Variants in LIN9 observed in about 807,000 individuals in gnomAD.
LIN9 encodes lin-9 DREAM MuvB core complex component.
In LIN9, 18 loss-of-function variants were observed where a neutral mutation model predicts 78.0. That is an observed-to-expected ratio of 0.23 (90% CI 0.16 to 0.34). The LOEUF (loss-of-function observed/expected upper bound fraction) is 0.34, where lower values mean the gene tolerates loss of function less well. LIN9 is among the 10% of genes least tolerant of loss of function. The pLI is 1.00. For missense variants in LIN9, 451 were observed against 644.1 expected, an observed-to-expected ratio of 0.70 and a Z score of 3.25; for synonymous variants, 192 against 215.2, an observed-to-expected ratio of 0.89 and a Z score of 0.94.
chr1:226,294,276 C>G (rs1661981773), intron 4 of LIN9, among the ~76,000 whole-genome samples: 1 of 66,730 alleles, frequency 1.5e-5, no homozygotes, highest in African/African-American at 6.3e-5. Flanking sequence ...CCAATGCAGT[C>G]CAAAAAAAAA....
chr1:226,238,230 A>G (rs1429339289), intron 12 of LIN9, among the ~76,000 whole-genome samples: 2 of 152,248 alleles, frequency 1.3e-5, no homozygotes, highest in Non-Finnish European at 2.9e-5. Context: ...AGAAGGCAAC[A>G]AAATTGTATG....
At chr1:226,303,818 G>A (rs900028352) in intron 1 of LIN9, among the ~76,000 whole-genome samples, 6 of 152,190 alleles carry the variant, frequency 3.9e-5, no homozygotes, top group African/African-American at 1.4e-4. Flanking sequence ...TGTTGGCCAG[G>A]CTGGTCTCGA....
intron 11 of LIN9, among the ~76,000 whole-genome samples, chr1:226,248,164 T>C (rs1319007635): frequency 1.3e-5 from 2 of 152,242 alleles, no homozygotes. Flanking sequence ...CTTCTTTCTC[T>C]CCATTTAACT....
chr1:226,289,537 A>AT (rs1293321043), intron 4 of LIN9, among the ~76,000 whole-genome samples: 1 of 151,758 alleles, frequency 6.6e-6, no homozygotes. Flanking sequence ...TAATTCATGC[A>AT]TTTTTTGTGG....
chr1:226,275,691 C>CAAAAAAAAAAAAAAAAA (rs1315376373), intron 7 of LIN9, among the ~76,000 whole-genome samples: 13 of 43,398 alleles, frequency 3.0e-4, no homozygotes, highest in Non-Finnish European at 4.7e-4. Flanking sequence ...GACTCCGTCT[C>CAAAAAAAAAAAAAAAAA]AGAAAAAAAA....
At chr1:226,252,753 G>C (rs1658918959) in intron 10 of LIN9, among the ~76,000 whole-genome samples, 1 of 152,028 alleles carries the variant, frequency 6.6e-6, no homozygotes, top group South Asian at 2.1e-4. Context: ...GATCACCTGA[G>C]GTCAGGAGTT....
intron 11 of LIN9, among the ~76,000 whole-genome samples, chr1:226,239,770 T>C (rs1657983436): frequency 6.6e-6 from 1 of 152,250 alleles, no homozygotes; most frequent in Non-Finnish European, 1.5e-5. Context: ...ATTCCATATA[T>C]GCTCCTTACC....
At chr1:226,240,961 G>A (rs1217115697) in intron 11 of LIN9, among the ~76,000 whole-genome samples, 2 of 152,212 alleles carry the variant, frequency 1.3e-5, no homozygotes, top group Non-Finnish European at 2.9e-5. Context: ...ATGTACCGCA[G>A]CCAGTAAGTG....
At chr1:226,275,280 A>G (rs1267284983) in intron 7 of LIN9, among the ~76,000 whole-genome samples, 1 of 152,252 alleles carries the variant, frequency 6.6e-6, no homozygotes, top group African/African-American at 2.4e-5. Context: ...ACAAATATAA[A>G]AAGTATTCTT....
At chr1:226,307,586 A>G (rs1318425051) in intron 1 of LIN9, among the ~76,000 whole-genome samples, 2 of 152,240 alleles carry the variant, frequency 1.3e-5, no homozygotes, top group Non-Finnish European at 2.9e-5. Flanking sequence ...CAATGAGCCG[A>G]GATAGTACCA....
intron 10 of LIN9, among the ~76,000 whole-genome samples, chr1:226,257,786 A>G (rs1237737017): frequency 1.3e-5 from 2 of 152,256 alleles, no homozygotes; most frequent in African/African-American, 2.4e-5. Context: ...CAAATAGAAC[A>G]TAGTAATAAA....
At chr1:226,286,073 A>G (rs931259929) in intron 6 of LIN9, among the ~76,000 whole-genome samples, 2 of 152,190 alleles carry the variant, frequency 1.3e-5, no homozygotes, top group African/African-American at 4.8e-5. Context: ...AAGATTAAAA[A>G]AATCAATGTA....
chr1:226,302,628 G>C (rs942579180), intron 1 of LIN9, among the ~76,000 whole-genome samples: 1 of 151,416 alleles, frequency 6.6e-6, no homozygotes, highest in African/African-American at 2.4e-5. Context: ...TCTCAGAATT[G>C]GATGTATACA....
At chr1:226,288,995 T>C (rs1661553270) in intron 4 of LIN9, among the ~76,000 whole-genome samples, 1 of 152,228 alleles carries the variant, frequency 6.6e-6, no homozygotes, top group South Asian at 2.1e-4. Context: ...TCCCAGCACT[T>C]TGGGAGACCG....
At chr1:226,232,862 T>C in intron 14 of LIN9, 1 of 494,672 alleles carries the variant, frequency 2.0e-6, no homozygotes, top group Non-Finnish European at 3.5e-6. Flanking sequence ...ACCTCTAAGC[T>C]CAACCTCCAT....
intron 10 of LIN9, among the ~76,000 whole-genome samples, chr1:226,260,163 T>C (rs1659474123): frequency 6.6e-6 from 1 of 152,202 alleles, no homozygotes; most frequent in Non-Finnish European, 1.5e-5. Context: ...CTGAATAGGC[T>C]TATATCTACT....
chr1:226,269,079 A>G (rs961814406), intron 7 of LIN9, among the ~76,000 whole-genome samples: 2 of 152,220 alleles, frequency 1.3e-5, no homozygotes, highest in African/African-American at 4.8e-5. Context: ...AGCATGAGTA[A>G]AAAATTTAAG....
chr1:226,278,041 G>A (rs989585479), intron 6 of LIN9, 109 bp from the exon 7 acceptor site: 3 of 821,578 alleles, frequency 3.7e-6, no homozygotes, highest in African/African-American at 3.5e-5. Context: ...CATCCAGGCT[G>A]GAGTGCAGTG....
At chr1:226,308,108 G>C (rs1197834322) in intron 1 of LIN9, among the ~76,000 whole-genome samples, 2 of 152,198 alleles carry the variant, frequency 1.3e-5, no homozygotes, top group Non-Finnish European at 2.9e-5. Flanking sequence ...TAGTAATTGA[G>C]CCTTTCACAA....
Sources: gnomAD v4.1 joint callset for allele counts (sites outside exome capture counted in the v4.1 genomes callset) on GRCh38, gnomAD v4.1.1 for gene constraint, MANE v1.5 for transcripts, NCBI Gene and HGNC (gene_info 2026-07-23, HGNC 2026-07-21) for gene names.